The following NEK6 variants were observed in gnomAD, a reference collection of about 807,000 sequenced individuals.
The protein encoded by NEK6 is serine/threonine-protein kinase Nek6.
Under a neutral mutation model 43.5 loss-of-function variants are expected in NEK6, and 27 were observed. The observed-to-expected ratio is 0.62, with a 90% CI of 0.46 to 0.86. The LOEUF (loss-of-function observed/expected upper bound fraction) is 0.86, where lower values mean the gene tolerates loss of function less well. Ranked by LOEUF, NEK6 falls within the 40% of genes least tolerant of loss-of-function variation. NEK6 has a pLI of 0.00. For synonymous variants in NEK6, 167 were observed against 164.1 expected, an observed-to-expected ratio of 1.02 and a Z score of -0.14; for missense variants, 318 against 414.4, an observed-to-expected ratio of 0.77 and a Z score of 2.02.
At chr9:124,300,628 G>A (rs563221131) in intron 1 of NEK6, among the ~76,000 whole-genome samples, 2 of 152,290 alleles carry the variant, frequency 1.3e-5, no homozygotes, top group African/African-American at 4.8e-5. Context: ...GGAGGAGGGA[G>A]GGCAAGGCCA....
chr9:124,304,091 G>A (rs1485374599), intron 2 of NEK6, among the ~76,000 whole-genome samples: 3 of 152,264 alleles, frequency 2.0e-5, no homozygotes, highest in African/African-American at 7.2e-5. Context: ...GGGCAACGAT[G>A]CCCCCAGTCC....
intron 1 of NEK6, among the ~76,000 whole-genome samples, chr9:124,279,217 C>T (rs554136214): frequency 1.3e-5 from 2 of 152,008 alleles, no homozygotes; most frequent in South Asian, 2.1e-4. Flanking sequence ...GGAGCTCCCC[C>T]TCGGACCCCT....
At chr9:124,308,221 C>A (rs1833356514) in intron 2 of NEK6, among the ~76,000 whole-genome samples, 1 of 152,196 alleles carries the variant, frequency 6.6e-6, no homozygotes, top group Non-Finnish European at 1.5e-5. Context: ...CAGGCCCCAG[C>A]ATTGGAGTCT....
intron 1 of NEK6, among the ~76,000 whole-genome samples, chr9:124,258,792 G>T (rs1435659714): frequency 6.6e-6 from 1 of 152,222 alleles, no homozygotes; most frequent in Non-Finnish European, 1.5e-5. Context: ...AGAGGCAAAG[G>T]TCTTAGAGCC....
chr9:124,318,325 T>C (rs1349655811), intron 4 of NEK6, among the ~76,000 whole-genome samples: 1 of 151,374 alleles, frequency 6.6e-6, no homozygotes. Context: ...CACTGCAGCA[T>C]CAGCCTCCCA....
intron 4 of NEK6, among the ~76,000 whole-genome samples, chr9:124,315,414 G>A (rs1378774752): frequency 6.6e-6 from 1 of 152,252 alleles, no homozygotes; most frequent in East Asian, 1.9e-4. Context: ...CCATGGCTGG[G>A]TGTGAGTTGT....
At chr9:124,277,394 C>T (rs895695349) in intron 1 of NEK6, among the ~76,000 whole-genome samples, 2 of 152,202 alleles carry the variant, frequency 1.3e-5, no homozygotes, top group Admixed American at 6.5e-5. Flanking sequence ...TGCAGTGAGC[C>T]GAGCTTGTGC....
chr9:124,350,268 C>T (rs1436581129), intron 9 of NEK6, among the ~76,000 whole-genome samples: 1 of 152,146 alleles, frequency 6.6e-6, no homozygotes, highest in Non-Finnish European at 1.5e-5. Flanking sequence ...ATTGGCACTC[C>T]GGCTATCAGA....
chr9:124,287,431 C>T (rs1832216025), intron 1 of NEK6, among the ~76,000 whole-genome samples: 1 of 152,238 alleles, frequency 6.6e-6, no homozygotes. Context: ...CCCCCATCTC[C>T]TCATCTCAAA....
intron 1 of NEK6, among the ~76,000 whole-genome samples, chr9:124,274,693 C>T (rs1046558612): frequency 2.6e-5 from 4 of 152,158 alleles, no homozygotes; most frequent in African/African-American, 9.7e-5. Flanking sequence ...TGATCGAGGA[C>T]AATGCTGAAT....
intron 1 of NEK6, among the ~76,000 whole-genome samples, chr9:124,279,371 G>C (rs935777678): frequency 6.8e-6 from 1 of 147,984 alleles, no homozygotes; most frequent in Non-Finnish European, 1.5e-5. Flanking sequence ...GCACGATCTC[G>C]GCTCACTGCA....
At chr9:124,270,080 A>AT (rs972372207) in intron 1 of NEK6, among the ~76,000 whole-genome samples, 6 of 147,354 alleles carry the variant, frequency 4.1e-5, no homozygotes, top group African/African-American at 1.5e-4. Context: ...CCCCCCCCCC[A>AT]TGCTGTCTGT....
chr9:124,274,209 A>C (rs76177507), intron 1 of NEK6, among the ~76,000 whole-genome samples: 2,546 of 152,376 alleles, frequency 0.017, 42 homozygotes, highest in East Asian at 0.086. Flanking sequence ...CGCAGGGCCC[A>C]TCCAATCTGC....
intron 4 of NEK6, among the ~76,000 whole-genome samples, chr9:124,316,974 T>G (rs4838161): frequency 0.49 from 74,596 of 151,920 alleles, 18,812 homozygotes; most frequent in East Asian, 0.64. Flanking sequence ...CCCTGAGAGG[T>G]TGTGAGATTT....
In NEK6 at chr9:124,323,105, G is replaced by A. The variant is rs187876246; in HGVS notation, c.405+1536G>A. Among the ~76,000 whole-genome samples the A allele has an allele frequency of 6.6e-5, 10 of 152,316 alleles. No homozygotes were observed. The East Asian group carries it at 1.9e-3, about 29-fold the overall frequency. ...TGCCAGCCCTCATGCCAAGAACTAG[G>A]GTTGCCGCCAGCATGGCTCCTGCCC... On this transcript the variant is annotated intron_variant, in intron 5 of 9. Transcript: ENST00000320246.
At chr9:124,340,403 C>T (rs1829538613) in intron 8 of NEK6, among the ~76,000 whole-genome samples, 1 of 152,190 alleles carries the variant, frequency 6.6e-6, no homozygotes, top group South Asian at 2.1e-4. Context: ...TCTCCGGTGT[C>T]CAGGTTGGCA....
At chr9:124,295,930 A>C (rs1335869110) in intron 1 of NEK6, among the ~76,000 whole-genome samples, 4 of 152,210 alleles carry the variant, frequency 2.6e-5, no homozygotes. Context: ...TAGTTTCCTC[A>C]TCAACAAAAC....
chr9:124,284,949 C>T (rs1269992057), intron 1 of NEK6, among the ~76,000 whole-genome samples: 2 of 152,224 alleles, frequency 1.3e-5, no homozygotes, highest in African/African-American at 4.8e-5. Flanking sequence ...ATGGGGTGAG[C>T]CAGTGGACCC....
chr9:124,285,605 C>T (rs1048865477), intron 1 of NEK6, among the ~76,000 whole-genome samples: 2 of 152,094 alleles, frequency 1.3e-5, no homozygotes, highest in African/African-American at 2.4e-5. Context: ...GAGCAACAGC[C>T]GAGATTGAGG....
Sources: gnomAD v4.1 joint callset for allele counts (sites outside exome capture counted in the v4.1 genomes callset) on GRCh38, gnomAD v4.1.1 for gene constraint, MANE v1.5 for transcripts, NCBI Gene and HGNC (gene_info 2026-07-23, HGNC 2026-07-21) for gene names.